MYT1L: variants seen among roughly 807,000 people sequenced by gnomAD.
MYT1L encodes the protein myelin transcription factor 1-like protein.
MYT1L carries 12 observed loss-of-function variants against 126.7 expected under a neutral mutation model. That is an observed-to-expected ratio of 0.09 (90% CI 0.06 to 0.15). MYT1L has a LOEUF of 0.15. MYT1L is among the 10% of genes least tolerant of loss of function. MYT1L has a pLI of 1.00. For missense variants in MYT1L, 979 were observed against 1,585.2 expected, an observed-to-expected ratio of 0.62 and a Z score of 6.49; for synonymous variants, 541 against 604.2, an observed-to-expected ratio of 0.90 and a Z score of 1.53.
At chr2:1,813,943 C>T (rs953636166) in intron 21 of MYT1L, among the ~76,000 whole-genome samples, 4 of 130,186 alleles carry the variant, frequency 3.1e-5, no homozygotes, top group Non-Finnish European at 6.5e-5. Context: ...AGGAGAATGG[C>T]GCGAACCCGG....
intron 3 of MYT1L, among the ~76,000 whole-genome samples, chr2:2,095,574 C>T (rs890058654): frequency 1.3e-5 from 2 of 151,836 alleles, no homozygotes; most frequent in South Asian, 2.1e-4. Context: ...GGGGTCACTA[C>T]ACCAAGGAAT....
chr2:2,023,626 T>TC (rs1364806244), intron 4 of MYT1L, among the ~76,000 whole-genome samples: 1 of 151,440 alleles, frequency 6.6e-6, no homozygotes, highest in Non-Finnish European at 1.5e-5. Context: ...TTTTGCTGTT[T>TC]TTTTTTTTTT....
chr2:1,881,430 TA>T (rs563667099), intron 18 of MYT1L, among the ~76,000 whole-genome samples: 1,640 of 151,686 alleles, frequency 0.011, 31 homozygotes, highest in African/African-American at 0.038. Context: ...ATTCTTGTTT[TA>T]GAAGTTTTAC....
intron 8 of MYT1L, among the ~76,000 whole-genome samples, chr2:1,977,889 TAAGTA>T (rs1301793463): frequency 2.6e-5 from 4 of 152,200 alleles, no homozygotes; most frequent in Non-Finnish European, 5.9e-5. Context: ...AATAATACTT[TAAGTA>T]AACTACTTAT....
Position 1,848,487 on chromosome 2 carries a change from T to C in MYT1L, c.2774+3154A>G, listed in dbSNP as rs1172533742. Among the ~76,000 whole-genome samples, 1 of 152,150 alleles carries C rather than the reference T, an allele frequency of 6.6e-6. No individual in the cohort carries two copies. The highest frequency in any genetic ancestry group is 1.9e-4 in the East Asian group (1 of 5,192). ...CCCACAGTACAGGAGGAGGATGCCT[T>C]GAACCCACACAACTACCTTGAATTG... On this transcript the variant is annotated intron_variant, in intron 19 of 24. Coordinates refer to ENST00000647738, the MANE Select transcript of MYT1L (RefSeq NM_001303052.2). The surrounding 1 kb of genome is among the most constrained non-coding windows in gnomAD (Gnocchi z 4.8).
At chr2:1,968,883 T>C (rs902358540) in intron 8 of MYT1L, among the ~76,000 whole-genome samples, 22 of 151,780 alleles carry the variant, frequency 1.4e-4, no homozygotes, top group African/African-American at 5.1e-4. Flanking sequence ...CGGCTCTGAG[T>C]GACCCAGAGC....
Position 1,922,510 on chromosome 2 carries a change from G to C in MYT1L, c.1259C>G (p.Ser420Cys). ...DDTTSVNSDR[S>C]EEVFDMTKGN... Reference sequence around the variant, plus strand: ...CTTGGTCATGTCGAACACCTCTTCAGACCTGTCCGAGTTCACAGAGGTGGT... The same window carrying C: ...CTTGGTCATGTCGAACACCTCTTCACACCTGTCCGAGTTCACAGAGGTGGT... The change falls in exon 10 of 25, where the codon TCT (serine) becomes TGT (cysteine). Residue 420 changes from serine (S) to cysteine (C), a missense_variant. Around this residue, in one of 12 missense-constraint regions of MYT1L, gnomAD observed 243 missense variants for 363.9 expected, o/e 0.67. Transcript: ENST00000647738. This position sits in a 1 kb window ranked among gnomAD's most constrained non-coding sequence, Gnocchi z 7.4. 1 of 1,613,854 alleles carries C rather than the reference G, an allele frequency of 6.2e-7. No homozygotes were observed.
intron 3 of MYT1L, among the ~76,000 whole-genome samples, chr2:2,069,834 T>C (rs1431293937): frequency 6.6e-6 from 1 of 151,880 alleles, no homozygotes; most frequent in African/African-American, 2.4e-5. Context: ...GATGATGAGC[T>C]TTTTTTGGTA....
At chr2:2,153,603 G>A (rs1559161680) in intron 3 of MYT1L, among the ~76,000 whole-genome samples, 1 of 152,210 alleles carries the variant, frequency 6.6e-6, no homozygotes, top group Non-Finnish European at 1.5e-5. Flanking sequence ...GATCGATGGT[G>A]TCAGGTGTGG....
chr2:1,872,116 G>T (rs1052626293), intron 18 of MYT1L, among the ~76,000 whole-genome samples: 1 of 152,176 alleles, frequency 6.6e-6, no homozygotes, highest in Non-Finnish European at 1.5e-5. Flanking sequence ...AAAAGAGGCT[G>T]CCCCAAGAAG....
At chr2:2,274,137 G>T (rs2095315933) in intron 2 of MYT1L, among the ~76,000 whole-genome samples, 2 of 152,104 alleles carry the variant, frequency 1.3e-5, no homozygotes, top group Admixed American at 1.3e-4. Context: ...AGCTAGAAAA[G>T]AAGAATTGTA....
chr2:2,171,926 C>T (rs1277919439), intron 3 of MYT1L, among the ~76,000 whole-genome samples: 2 of 152,152 alleles, frequency 1.3e-5, no homozygotes, highest in East Asian at 1.9e-4. Flanking sequence ...CACAATTGCA[C>T]AGTGAACCTT....
intron 2 of MYT1L, among the ~76,000 whole-genome samples, chr2:2,238,275 G>T (rs11127367): frequency 0.049 from 7,516 of 152,100 alleles, 467 homozygotes; most frequent in East Asian, 0.15. Context: ...GTGTCTCTGC[G>T]CAAGGTACCC....
chr2:2,216,372 C>T (rs1235644103), intron 2 of MYT1L, among the ~76,000 whole-genome samples: 1 of 151,986 alleles, frequency 6.6e-6, no homozygotes. Flanking sequence ...GAAAATTACC[C>T]CCAAATATTT....
At chr2:2,060,495 G>A (rs1350345367) in intron 3 of MYT1L, among the ~76,000 whole-genome samples, 3 of 152,070 alleles carry the variant, frequency 2.0e-5, no homozygotes, top group Non-Finnish European at 4.4e-5. Flanking sequence ...TAGTTATTTA[G>A]ACAGATTATA....
chr2:1,832,903 A>G (rs1314058336), intron 21 of MYT1L, among the ~76,000 whole-genome samples: 1 of 152,162 alleles, frequency 6.6e-6, no homozygotes, highest in East Asian at 1.9e-4. Context: ...AGCATTCTCT[A>G]AAAGATGGTC....
rs1020645846 is a variant in MYT1L at position 1,790,695 on chromosome 2, G to A, written c.*1172C>T. On this transcript the variant is annotated 3_prime_UTR_variant, in exon 25 of 25. Coordinates refer to ENST00000647738, the MANE Select transcript of MYT1L (RefSeq NM_001303052.2). ...CTGATTCAGAGTCAAAGTCGGGCGG[G>A]GGGAGCAGGAGGGAAACTTTACCGA... 1.3e-5 allele frequency: 2 copies of A among 154,660 alleles called. No homozygotes were observed. The highest frequency in any genetic ancestry group is 1.9e-4 in the East Asian group (1 of 5,234). 9.6% of individuals were successfully genotyped at this position (154,660 alleles called of 1,614,324 possible). A position where few individuals can be genotyped will look rare whatever the true frequency, so the allele number is the denominator to read the frequency against.
chr2:2,086,744 G>C (rs1278880590), intron 3 of MYT1L, among the ~76,000 whole-genome samples: 1 of 152,138 alleles, frequency 6.6e-6, no homozygotes. Flanking sequence ...CAAAGGGCTT[G>C]TTTACGTAGT....
At chr2:1,861,019 T>C (rs1157375502) in intron 18 of MYT1L, among the ~76,000 whole-genome samples, 1 of 151,892 alleles carries the variant, frequency 6.6e-6, no homozygotes, top group Non-Finnish European at 1.5e-5. Context: ...ACACACTCAC[T>C]CCTAGCCCCA....
Sources: gnomAD v4.1 joint callset for allele counts (sites outside exome capture counted in the v4.1 genomes callset) on GRCh38, gnomAD v4.1.1 for gene constraint, gnomAD v4.1.1 regional missense constraint, Gnocchi (gnomAD v3.1) non-coding constraint, MANE v1.5 for transcripts, NCBI Gene and HGNC (gene_info 2026-07-23, HGNC 2026-07-21) for gene names.